THADA: variants seen among roughly 807,000 people sequenced by gnomAD.
THADA encodes tRNA (32-2'-O)-methyltransferase regulator THADA.
Under a neutral mutation model 219.8 loss-of-function variants are expected in THADA, and 213 were observed. The ratio of observed to expected loss-of-function variants is 0.97; its 90% CI spans 0.87 to 1.09. The LOEUF is 1.09. THADA is among the 50% of genes least tolerant of loss of function. THADA has a pLI of 0.00. For missense variants in THADA, 2,956 were observed against 2,311.3 expected (o/e 1.28, Z -5.72); for synonymous variants, 1,018 against 828.9 (o/e 1.23, Z -3.92).
chr2:43,386,520 G>C (rs1672708208), intron 29 of THADA, among the ~76,000 whole-genome samples: 1 of 152,154 alleles, frequency 6.6e-6, no homozygotes, highest in African/African-American at 2.4e-5. Context: ...AGAGTCAAGT[G>C]ACAGATTTAC....
chr2:43,346,452 G>A (rs1667636823), intron 29 of THADA, among the ~76,000 whole-genome samples: 1 of 152,076 alleles, frequency 6.6e-6, no homozygotes, highest in African/African-American at 2.4e-5. Context: ...AGCTCTTAAA[G>A]GATGGCAAGT....
chr2:43,586,360 C>G, intron 7 of THADA, 41 bp downstream of exon 7: 1 of 1,495,882 alleles, frequency 6.7e-7, no homozygotes, highest in Non-Finnish European at 9.0e-7. Flanking sequence ...TAATGTACAA[C>G]TGCAAGTGTG....
At position 43,286,979 on chromosome 2, in the gene THADA, G is replaced by C. The variant is rs774170476; in HGVS notation, c.5093C>G (p.Ser1698Cys). The stretch of plus-strand genomic sequence containing the variant: ...GAGGACTTCAACGACGGCCAGCCTA[G>C]ACTCTGTAGGAAGATGGTCTTCACA... The part of the protein sequence containing the change: ...LSCEDHLPTE[S>C]RLAVVEVLTS... Residue 1698 changes from serine (S) to cysteine (C), a missense_variant, in exon 35 of 38, where the codon TCT (serine) becomes TGT (cysteine). Coordinates refer to ENST00000405975, the MANE Select transcript of THADA (RefSeq NM_022065.5). The C allele has an allele frequency of 5.6e-6, 9 of 1,613,998 alleles. No individual in the cohort carries two copies. The highest frequency in any genetic ancestry group is 2.2e-5 in the East Asian group (1 of 44,876).
intron 21 of THADA, among the ~76,000 whole-genome samples, chr2:43,536,461 TAC>T (rs1313728231): frequency 6.6e-6 from 1 of 152,142 alleles, no homozygotes; most frequent in Admixed American, 6.5e-5. Flanking sequence ...GAAAGAAAAA[TAC>T]AGTGATTTCT....
intron 20 of THADA, among the ~76,000 whole-genome samples, chr2:43,544,317 C>T (rs1414712213): frequency 3.3e-5 from 5 of 152,178 alleles, no homozygotes; most frequent in African/African-American, 1.2e-4. Context: ...ATGATGCCTC[C>T]AGCTTTGTTC....
At chr2:43,261,208 G>A (rs1418556957) in intron 36 of THADA, among the ~76,000 whole-genome samples, 2 of 135,236 alleles carry the variant, frequency 1.5e-5, no homozygotes, top group Non-Finnish European at 1.6e-5. Context: ...AAATAAATTT[G>A]TGCATTTCTT....
intron 20 of THADA, among the ~76,000 whole-genome samples, chr2:43,543,834 T>C (rs1291362610): frequency 2.6e-5 from 4 of 151,866 alleles, no homozygotes; most frequent in African/African-American, 9.7e-5. Context: ...CTGTTCACTC[T>C]GATGGTAGTT....
chr2:43,538,938 G>A (rs1558933789), intron 21 of THADA, among the ~76,000 whole-genome samples: 1 of 152,056 alleles, frequency 6.6e-6, no homozygotes, highest in Non-Finnish European at 1.5e-5. Context: ...AGTGGCCACC[G>A]GTTTAAACAA....
chr2:43,358,906 T>C (rs1347720035), intron 29 of THADA, among the ~76,000 whole-genome samples: 1 of 152,212 alleles, frequency 6.6e-6, no homozygotes, highest in African/African-American at 2.4e-5. Flanking sequence ...ACTGTGAATC[T>C]TTAAAAGTCA....
intron 20 of THADA, among the ~76,000 whole-genome samples, chr2:43,545,946 GTTCTT>G (rs1372575979): frequency 6.6e-6 from 1 of 151,676 alleles, no homozygotes; most frequent in Non-Finnish European, 1.5e-5. Flanking sequence ...TGCTTTTCTA[GTTCTT>G]TTAATTGTGA....
intron 25 of THADA, among the ~76,000 whole-genome samples, chr2:43,491,354 G>A (rs546977561): frequency 6.6e-6 from 1 of 152,192 alleles, no homozygotes; most frequent in East Asian, 1.9e-4. Flanking sequence ...ACATTAGGTT[G>A]GTGCAAAAGT....
At chr2:43,588,357 C>G (rs1318525803) in intron 4 of THADA, among the ~76,000 whole-genome samples, 1 of 149,728 alleles carries the variant, frequency 6.7e-6, no homozygotes, top group Admixed American at 6.6e-5. Flanking sequence ...TTACAGAAAG[C>G]ACATATAGCA....
chr2:43,588,975 T>C (rs1462753053), intron 4 of THADA, among the ~76,000 whole-genome samples: 2 of 152,206 alleles, frequency 1.3e-5, no homozygotes, highest in Non-Finnish European at 2.9e-5. Context: ...CATTTAAATT[T>C]TGGTATATTC....
chr2:43,278,580 G>C (rs1400678580), intron 36 of THADA, among the ~76,000 whole-genome samples: 1 of 152,328 alleles, frequency 6.6e-6, no homozygotes, highest in Non-Finnish European at 1.5e-5. Context: ...CATATCACTT[G>C]CAGCTCTGTT....
At chr2:43,277,549 C>A (rs149417591) in intron 36 of THADA, among the ~76,000 whole-genome samples, 10 of 152,370 alleles carry the variant, frequency 6.6e-5, no homozygotes, top group African/African-American at 2.4e-4. Flanking sequence ...CAGCAGGCTG[C>A]TAGGAGACGG....
chr2:43,571,388 C>A (rs1400372777), intron 13 of THADA, among the ~76,000 whole-genome samples: 1 of 151,670 alleles, frequency 6.6e-6, no homozygotes, highest in Admixed American at 6.6e-5. Flanking sequence ...ATAGCTAGGA[C>A]TACAGGCACA....
intron 1 of THADA, among the ~76,000 whole-genome samples, chr2:43,595,224 C>T (rs1035773753): frequency 6.6e-6 from 1 of 152,214 alleles, no homozygotes; most frequent in African/African-American, 2.4e-5. Context: ...CATTCTACAT[C>T]TTAAGAACCT....
At chr2:43,593,028 T>C (rs1007025989) in intron 1 of THADA, 9 of 152,222 alleles carry the variant, frequency 5.9e-5, no homozygotes, top group Admixed American at 2.0e-4. Context: ...AATAGTACCA[T>C]GCCATCTGGA....
intron 29 of THADA, among the ~76,000 whole-genome samples, chr2:43,348,162 T>C (rs1667852924): frequency 6.6e-6 from 1 of 152,214 alleles, no homozygotes. Flanking sequence ...TATTTCACAT[T>C]AAAGTCATCC....
Sources: gnomAD v4.1 joint callset for allele counts (sites outside exome capture counted in the v4.1 genomes callset) on GRCh38, gnomAD v4.1.1 for gene constraint, MANE v1.5 for transcripts, NCBI Gene and HGNC (gene_info 2026-07-23, HGNC 2026-07-21) for gene names.